The following SENP2 variants were observed in gnomAD, a reference collection of about 807,000 sequenced individuals.
SENP2 encodes SUMO specific peptidase 2.
SENP2 carries 16 observed loss-of-function variants against 86.3 expected under a neutral mutation model. The observed-to-expected ratio is 0.19, with a 90% CI of 0.13 to 0.28. The LOEUF is 0.28. SENP2 is among the 10% of genes least tolerant of loss of function. SENP2 has a pLI of 1.00. For synonymous variants in SENP2, 222 were observed against 238.7 expected (o/e 0.93, Z 0.64); for missense variants, 552 against 703.0 (o/e 0.79, Z 2.43).
chr3:185,589,074 A>C (rs1158150634), intron 1 of SENP2, among the ~76,000 whole-genome samples: 1 of 145,634 alleles, frequency 6.9e-6, no homozygotes, highest in Non-Finnish European at 1.5e-5. Context: ...CATTCTATTC[A>C]TTTTTTTTTT....
intron 12 of SENP2, among the ~76,000 whole-genome samples, chr3:185,618,961 C>G (rs1194203028): frequency 6.6e-6 from 1 of 152,206 alleles, no homozygotes; most frequent in Non-Finnish European, 1.5e-5. Flanking sequence ...AAATTGAAGT[C>G]TAATTTATAT....
At chr3:185,591,099 G>A (rs1209525771) in intron 2 of SENP2, among the ~76,000 whole-genome samples, 1 of 150,598 alleles carries the variant, frequency 6.6e-6, no homozygotes, top group Non-Finnish European at 1.5e-5. Flanking sequence ...TAGAGATGGG[G>A]TTTCACCGTG....
chr3:185,616,988 G>T (rs1008267943), intron 11 of SENP2, among the ~76,000 whole-genome samples: 1 of 152,174 alleles, frequency 6.6e-6, no homozygotes, highest in Middle Eastern at 3.4e-3. Context: ...TCAATGATGT[G>T]CTTCAAGCAT....
chr3:185,598,348 TATC>T (rs779568387), intron 2 of SENP2, 61 bp from the exon 3 acceptor site: 3 of 1,515,874 alleles, frequency 2.0e-6, no homozygotes, highest in South Asian at 1.2e-5. Context: ...CTTTCCAAGA[TATC>T]ATTTTATTTT....
At chr3:185,628,760 C>A (rs1238171723) in intron 16 of SENP2, among the ~76,000 whole-genome samples, 1 of 152,178 alleles carries the variant, frequency 6.6e-6, no homozygotes, top group Non-Finnish European at 1.5e-5. Context: ...CCCACCTTGG[C>A]CTCCCAAAGT....
chr3:185,592,368 G>C (rs1722036956), intron 2 of SENP2, among the ~76,000 whole-genome samples: 1 of 151,880 alleles, frequency 6.6e-6, no homozygotes, highest in Non-Finnish European at 1.5e-5. Flanking sequence ...TTTTACTTCA[G>C]TATATCTGAA....
intron 6 of SENP2, 27 bp downstream of exon 6, chr3:185,606,525 A>G: frequency 1.3e-6 from 2 of 1,537,744 alleles, no homozygotes; most frequent in Non-Finnish European, 1.7e-6. Context: ...TGATTTCTTT[A>G]AAAAAAATTT....
chr3:185,615,534 G>A (rs371906302), intron 11 of SENP2, among the ~76,000 whole-genome samples: 53 of 152,146 alleles, frequency 3.5e-4, no homozygotes, highest in Middle Eastern at 3.4e-3. Flanking sequence ...AGTAGAGACC[G>A]GGTTTCACCA....
intron 6 of SENP2, among the ~76,000 whole-genome samples, chr3:185,608,082 A>T (rs1241216288): frequency 2.0e-5 from 3 of 152,236 alleles, no homozygotes; most frequent in Non-Finnish European, 4.4e-5. Flanking sequence ...TCATCAAAGA[A>T]ATATTTATTG....
rs140132991 is a variant in SENP2 at position 185,596,169 on chromosome 3, G to A, written c.158-2243G>A. On this transcript the variant is annotated intron_variant, in intron 2 of 16. Transcript: ENST00000296257. ...TTAGTAGAGACGGTTTCGCCATGAT[G>A]GTCAGGCTGGTCTTGAACTCCTGAC... Among the ~76,000 whole-genome samples, 503 of 152,068 alleles carry A rather than the reference G, an allele frequency of 3.3e-3. 5 individuals carry two copies. The highest frequency in any genetic ancestry group is 0.011 in the African/African-American group (473 of 41,464).
chr3:185,619,165 G>T, intron 12 of SENP2, 134 bp from the exon 13 acceptor site: 1 of 659,622 alleles, frequency 1.5e-6, no homozygotes, highest in Non-Finnish European at 2.6e-6. Context: ...TTTTTTCCCT[G>T]TCTTCTACTA....
At chr3:185,625,925 C>T (rs1712123564) in intron 15 of SENP2, among the ~76,000 whole-genome samples, 1 of 152,128 alleles carries the variant, frequency 6.6e-6, no homozygotes, top group Non-Finnish European at 1.5e-5. Context: ...GTGTTTTTCT[C>T]TTCTGAAAAG....
At chr3:185,597,615 C>G (rs1267745860) in intron 2 of SENP2, among the ~76,000 whole-genome samples, 2 of 151,088 alleles carry the variant, frequency 1.3e-5, no homozygotes, top group African/African-American at 2.4e-5. Flanking sequence ...CGGCCTCCCA[C>G]CAAAGTGCTG....
chr3:185,600,288 A>G (rs1722302872), intron 4 of SENP2, among the ~76,000 whole-genome samples: 1 of 152,310 alleles, frequency 6.6e-6, no homozygotes, highest in East Asian at 1.9e-4. Context: ...TAGTCAGAGA[A>G]GCCCAGGTAT....
chr3:185,604,479 C>T (rs1010087642), intron 5 of SENP2, among the ~76,000 whole-genome samples: 1 of 152,168 alleles, frequency 6.6e-6, no homozygotes, highest in Admixed American at 6.5e-5. Flanking sequence ...ATTTTTCTGT[C>T]AACTTCTTTA....
Position 185,626,351 on chromosome 3 carries a change from T to C in SENP2, c.1665T>C (p.Tyr555=), listed in dbSNP as rs778064589. Residue 555 remains tyrosine (Y), a synonymous_variant, in exon 16 of 17, where the codon TAT becomes TAC. Transcript: ENST00000296257. Reference sequence around the variant, plus strand: ...ATTGTGGAATGTTTACTTGTAAATATGCAGATTATATTTCTAGGGACAAAC... The same window carrying C: ...ATTGTGGAATGTTTACTTGTAAATACGCAGATTATATTTCTAGGGACAAAC... ...GSDCGMFTCK[Y]ADYISRDKPI... 6 of 1,612,578 alleles carry C rather than the reference T, an allele frequency of 3.7e-6. No individual in the cohort carries two copies. The highest frequency in any genetic ancestry group is 5.1e-6 in the Non-Finnish European group (6 of 1,178,788).
At chr3:185,608,713 C>G (rs1211704339) in intron 6 of SENP2, among the ~76,000 whole-genome samples, 2 of 152,056 alleles carry the variant, frequency 1.3e-5, no homozygotes, top group South Asian at 2.1e-4. Flanking sequence ...GGAATAATCT[C>G]CAGTGGAGAC....
intron 3 of SENP2, 124 bp downstream of exon 3, chr3:185,598,669 AT>A: frequency 9.9e-7 from 1 of 1,011,234 alleles, no homozygotes; most frequent in Non-Finnish European, 1.4e-6. Flanking sequence ...CTGTATCTTT[AT>A]TAGCTGTGCT....
chr3:185,627,133 G>T (rs1242894554), intron 16 of SENP2, among the ~76,000 whole-genome samples: 1 of 148,010 alleles, frequency 6.8e-6, no homozygotes, highest in Admixed American at 6.8e-5. Flanking sequence ...TATTCTTATT[G>T]CTGTAAATCT....
Sources: gnomAD v4.1 joint callset for allele counts (sites outside exome capture counted in the v4.1 genomes callset) on GRCh38, gnomAD v4.1.1 for gene constraint, MANE v1.5 for transcripts, NCBI Gene and HGNC (gene_info 2026-07-23, HGNC 2026-07-21) for gene names.